Variants in DIAPH3 observed in about 807,000 individuals in gnomAD.
The protein encoded by DIAPH3 is diaphanous related formin 3.
Under a neutral mutation model 144.3 loss-of-function variants are expected in DIAPH3, and 117 were observed. That is an observed-to-expected ratio of 0.81 (90% CI 0.70 to 0.95). The LOEUF (loss-of-function observed/expected upper bound fraction) is 0.95. Among genes scored for constraint, DIAPH3 ranks in the 40% least tolerant of loss-of-function variants. The pLI is 0.00. For missense variants in DIAPH3, 1,421 were observed against 1,412.7 expected, an observed-to-expected ratio of 1.01 and a Z score of -0.09; for synonymous variants, 519 against 488.9, an observed-to-expected ratio of 1.06 and a Z score of -0.81.
At chr13:59,802,058 A>G (rs2039927597) in intron 25 of DIAPH3, among the ~76,000 whole-genome samples, 1 of 152,198 alleles carries the variant, frequency 6.6e-6, no homozygotes, top group African/African-American at 2.4e-5. Flanking sequence ...TAAGGATTTA[A>G]TGTCAGAATG....
At chr13:59,796,044 A>G (rs1396911778) in intron 25 of DIAPH3, among the ~76,000 whole-genome samples, 2 of 152,240 alleles carry the variant, frequency 1.3e-5, no homozygotes, top group Non-Finnish European at 2.9e-5. Context: ...GAAACTAGCT[A>G]AAATGAGGGG....
At chr13:60,040,631 C>T (rs920153767) in intron 5 of DIAPH3, among the ~76,000 whole-genome samples, 1 of 152,106 alleles carries the variant, frequency 6.6e-6, no homozygotes, top group African/African-American at 2.4e-5. Flanking sequence ...AGGGTCTACT[C>T]CTCATTATAT....
chr13:59,926,001 T>G (rs2047733279), intron 17 of DIAPH3, among the ~76,000 whole-genome samples: 1 of 152,174 alleles, frequency 6.6e-6, no homozygotes. Flanking sequence ...TTTTGTTTGT[T>G]TTGAGACAGG....
intron 3 of DIAPH3, among the ~76,000 whole-genome samples, chr13:60,110,780 T>C (rs1184992143): frequency 2.0e-5 from 3 of 152,234 alleles, no homozygotes. Flanking sequence ...GGTGAAAAAG[T>C]GATCTGGCCC....
At chr13:59,923,383 A>T (rs1475282747) in intron 18 of DIAPH3, among the ~76,000 whole-genome samples, 1 of 152,170 alleles carries the variant, frequency 6.6e-6, no homozygotes, top group African/African-American at 2.4e-5. Context: ...CTTTGAACCT[A>T]GACAAAGTTC....
chr13:60,040,318 T>G (rs771056884), intron 5 of DIAPH3, among the ~76,000 whole-genome samples: 2 of 151,872 alleles, frequency 1.3e-5, no homozygotes, highest in African/African-American at 2.4e-5. Context: ...AATGATATTT[T>G]CTATTCTTTT....
At chr13:59,928,244 ATATC>A (rs1443994963) in intron 17 of DIAPH3, among the ~76,000 whole-genome samples, 8 of 151,546 alleles carry the variant, frequency 5.3e-5, no homozygotes, top group African/African-American at 1.7e-4. Flanking sequence ...CTCTTTTTTT[ATATC>A]TATCTCTTTG....
At position 59,971,107 on chromosome 13, in the gene DIAPH3, A is replaced by G; in HGVS notation, c.1704T>C (p.Gly568=). The stretch of plus-strand genomic sequence containing the variant: ...GAGGAAGTGCTGAGTGGCCAGTTCC[A>G]CCTTCTTTAGAGGGAGGCAAAGGAA... The part of the protein sequence containing the change: ...CNIPLPPSKE[G]GTGHSALPPP... The change falls in exon 16 of 28, where the codon GGT becomes GGC. Residue 568 remains glycine (G), a synonymous_variant. Transcript: ENST00000400324. 1.9e-6 allele frequency: 3 copies of G among 1,608,858 alleles called. No homozygotes were observed. Among genetic ancestry groups the G allele is most frequent in the Non-Finnish European group, 2.5e-6 (3 of 1,177,202 alleles).
At chr13:59,944,688 T>A (rs1248221081) in intron 17 of DIAPH3, among the ~76,000 whole-genome samples, 2 of 152,106 alleles carry the variant, frequency 1.3e-5, no homozygotes, top group Non-Finnish European at 2.9e-5. Flanking sequence ...GGATTTTTGA[T>A]AGTTTGTTTA....
intron 27 of DIAPH3, among the ~76,000 whole-genome samples, chr13:59,710,917 T>C (rs1227882045): frequency 6.6e-5 from 10 of 152,154 alleles, no homozygotes; most frequent in African/African-American, 2.4e-4. Flanking sequence ...AAACAATACT[T>C]TGAGATGAGT....
intron 4 of DIAPH3, among the ~76,000 whole-genome samples, chr13:60,089,009 C>A (rs1395506686): frequency 6.6e-6 from 1 of 152,068 alleles, no homozygotes; most frequent in African/African-American, 2.4e-5. Context: ...AATAAGAATC[C>A]TTTTTAACAC....
intron 27 of DIAPH3, among the ~76,000 whole-genome samples, chr13:59,761,736 G>C (rs2037600284): frequency 6.6e-6 from 1 of 152,136 alleles, no homozygotes; most frequent in Non-Finnish European, 1.5e-5. Context: ...GATAAGCTGA[G>C]AGGTAGAACA....
chr13:59,962,748 G>A (rs1160200908), intron 17 of DIAPH3, among the ~76,000 whole-genome samples: 1 of 151,658 alleles, frequency 6.6e-6, no homozygotes, highest in African/African-American at 2.4e-5. Context: ...GCATCTCTGT[G>A]TCTGCTTCCA....
intron 24 of DIAPH3, among the ~76,000 whole-genome samples, chr13:59,827,664 A>G (rs1292142031): frequency 2.0e-5 from 3 of 152,024 alleles, no homozygotes; most frequent in Non-Finnish European, 4.4e-5. Flanking sequence ...ACCCGTACCA[A>G]TTAGGAGAAG....
chr13:59,779,319 T>A (rs1439971577), intron 25 of DIAPH3, among the ~76,000 whole-genome samples: 1 of 152,142 alleles, frequency 6.6e-6, no homozygotes, highest in Non-Finnish European at 1.5e-5. Context: ...ACAATACCTG[T>A]CTAGGGTTAA....
Position 59,911,654 on chromosome 13 carries a change from T to TAC in DIAPH3, c.2367+79_2367+80dup, listed in dbSNP as rs2047001454. On this transcript the variant is annotated intron_variant, in intron 20 of 27. Transcript: ENST00000400324. ...GTATGTGATTACTCACATGCTTTTT[T>TAC]ACATTTAGCGATATAAAAACAGTTG... 3 of 1,050,128 alleles carry TAC rather than the reference T, an allele frequency of 2.9e-6. No individual in the cohort carries two copies. The East Asian group carries it at 7.1e-5, about 25-fold the overall frequency. 65.1% of individuals were successfully genotyped at this position (1,050,128 alleles called of 1,614,324 possible).
intron 25 of DIAPH3, among the ~76,000 whole-genome samples, chr13:59,802,737 A>C (rs1187862043): frequency 8.6e-6 from 1 of 116,904 alleles, no homozygotes; most frequent in Admixed American, 1.2e-4. Context: ...TGCGGACTGC[A>C]GTGGCGCAAT....
chr13:59,766,890 G>A (rs955108913), intron 27 of DIAPH3, among the ~76,000 whole-genome samples: 1 of 152,076 alleles, frequency 6.6e-6, no homozygotes. Context: ...CTCAAGGTAA[G>A]CAGTGATACC....
intron 4 of DIAPH3, among the ~76,000 whole-genome samples, chr13:60,056,381 T>C (rs922868406): frequency 1.3e-5 from 2 of 151,796 alleles, no homozygotes; most frequent in Admixed American, 6.6e-5. Context: ...GGTATGTGTA[T>C]ACAAATATGT....
Sources: gnomAD v4.1 joint callset for allele counts (sites outside exome capture counted in the v4.1 genomes callset) on GRCh38, gnomAD v4.1.1 for gene constraint, MANE v1.5 for transcripts, NCBI Gene and HGNC (gene_info 2026-07-23, HGNC 2026-07-21) for gene names.